GLG1: variants seen among roughly 807,000 people sequenced by gnomAD.
GLG1 encodes the protein golgi glycoprotein 1, also known as Golgi apparatus protein 1.
Under a neutral mutation model 160.5 loss-of-function variants are expected in GLG1, and 38 were observed. That is an observed-to-expected ratio of 0.24 (90% CI 0.18 to 0.31). The LOEUF is 0.31. Ranked by LOEUF, GLG1 falls within the 10% of genes least tolerant of loss-of-function variation. GLG1 has a pLI of 1.00. For synonymous variants in GLG1, 644 were observed against 543.4 expected, an observed-to-expected ratio of 1.19 and a Z score of -2.57; for missense variants, 1,373 against 1,505.2, an observed-to-expected ratio of 0.91 and a Z score of 1.45.
In GLG1 at chr16:74,466,477, TCGCA is replaced by T. The variant is rs563725892; in HGVS notation, c.2530-668_2530-665del. On this transcript the variant is annotated intron_variant, in intron 18 of 25. Transcript: ENST00000422840. ...TGGGAAGGTGCAGCAGCTGGGGCTA[TCGCA>T]GGAAGCCATGAGACTTCCGGGAAAT... 1.4e-4 allele frequency among the ~76,000 whole-genome samples: 22 copies of T among 152,320 alleles called. No homozygotes were observed. In the East Asian group the frequency reaches 4.2e-3, roughly 29 times the overall value.
intron 4 of GLG1, among the ~76,000 whole-genome samples, chr16:74,502,589 G>A (rs2016445482): frequency 6.6e-6 from 1 of 151,510 alleles, no homozygotes; most frequent in Admixed American, 6.6e-5. Context: ...TGTCTCCCAG[G>A]CTGGAGTGCA....
chr16:74,561,991 T>C (rs1310734703), intron 1 of GLG1, among the ~76,000 whole-genome samples: 2 of 152,256 alleles, frequency 1.3e-5, no homozygotes, highest in Non-Finnish European at 2.9e-5. Flanking sequence ...AGCTACCTGA[T>C]GGGTCATTGG....
At chr16:74,524,901 C>T (rs987630588) in intron 2 of GLG1, among the ~76,000 whole-genome samples, 2 of 152,186 alleles carry the variant, frequency 1.3e-5, no homozygotes, top group African/African-American at 2.4e-5. Context: ...AAACCACTAA[C>T]CTTCTTTCTG....
intron 3 of GLG1, among the ~76,000 whole-genome samples, chr16:74,506,607 C>CAAAAAAAA (rs1567489940): frequency 2.7e-4 from 34 of 126,550 alleles, no homozygotes; most frequent in Non-Finnish European, 3.5e-4. Flanking sequence ...AAAAAAAACT[C>CAAAAAAAA]AAGAGAAACC....
chr16:74,566,671 T>C (rs2018662374), intron 1 of GLG1, among the ~76,000 whole-genome samples: 1 of 152,230 alleles, frequency 6.6e-6, no homozygotes. Context: ...TTATATCCTT[T>C]AGTCATACTA....
At chr16:74,472,802 C>CA in intron 13 of GLG1, 1 of 354,638 alleles carries the variant, frequency 2.8e-6, no homozygotes. Flanking sequence ...TAAGCCAGAG[C>CA]ACTGCCCTCA....
intron 3 of GLG1, among the ~76,000 whole-genome samples, chr16:74,507,708 C>A (rs1369294498): frequency 6.6e-6 from 1 of 151,790 alleles, no homozygotes; most frequent in South Asian, 2.1e-4. Context: ...TGCACTCCAG[C>A]GTGGGCGACA....
rs1431993108 is a variant in GLG1 at position 74,452,109 on chromosome 16, T to C, written c.*1058A>G. On this transcript the variant is annotated 3_prime_UTR_variant, in exon 26 of 26. Coordinates refer to ENST00000422840, the MANE Select transcript of GLG1 (RefSeq NM_001145667.2). ...GACCACACTAAACCTTTATAAGCCA[T>C]TGTCTCTGACCTGTATTGTAGCCTG... The C allele has an allele frequency of 3.7e-6, 6 of 1,614,074 alleles. No homozygotes were observed. The South Asian group carries it at 5.5e-5, about 15-fold the overall frequency.
At chr16:74,602,648 T>C (rs1958466378) in intron 1 of GLG1, among the ~76,000 whole-genome samples, 1 of 152,032 alleles carries the variant, frequency 6.6e-6, no homozygotes, top group Non-Finnish European at 1.5e-5. Flanking sequence ...CCGGGTGTGG[T>C]GGCGGATGCC....
At chr16:74,478,472 C>A (rs1164312811) in intron 11 of GLG1, among the ~76,000 whole-genome samples, 1 of 152,078 alleles carries the variant, frequency 6.6e-6, no homozygotes, top group Non-Finnish European at 1.5e-5. Context: ...AAAAAAAAGC[C>A]AGCATACCTG....
chr16:74,605,346 A>T (rs1958541260), intron 1 of GLG1, among the ~76,000 whole-genome samples: 1 of 152,118 alleles, frequency 6.6e-6, no homozygotes, highest in Admixed American at 6.6e-5. Flanking sequence ...TTCCCTAATA[A>T]TGTGCTGTTT....
intron 24 of GLG1, 44 bp from the exon 25 acceptor site, chr16:74,456,799 G>A: frequency 1.7e-6 from 2 of 1,169,444 alleles, no homozygotes; most frequent in South Asian, 1.2e-5. Context: ...AAACTGTACA[G>A]AATAGAGAAA....
chr16:74,604,810 G>A (rs1334637849), intron 1 of GLG1, among the ~76,000 whole-genome samples: 6 of 152,168 alleles, frequency 3.9e-5, no homozygotes, highest in Non-Finnish European at 8.8e-5. Context: ...CAGCACTTTG[G>A]GAGCCCGAGG....
At chr16:74,555,450 G>T (rs2018325564) in intron 1 of GLG1, among the ~76,000 whole-genome samples, 1 of 152,162 alleles carries the variant, frequency 6.6e-6, no homozygotes, top group African/African-American at 2.4e-5. Flanking sequence ...ATTTTGGGAG[G>T]CTGAGGCAAG....
intron 12 of GLG1, among the ~76,000 whole-genome samples, chr16:74,474,833 A>G (rs1218655268): frequency 6.6e-6 from 1 of 152,140 alleles, no homozygotes; most frequent in Non-Finnish European, 1.5e-5. Flanking sequence ...TTCATGTAGC[A>G]GGTTGGTTAT....
rs368678359 is a variant in GLG1 at position 74,607,055 on chromosome 16, A to G, written c.40T>C (p.Ser14Pro). 4.5e-5 allele frequency: 72 copies of G among 1,587,006 alleles called. No individual in the cohort carries two copies. The highest frequency in any genetic ancestry group is 6.1e-5 in the Non-Finnish European group (71 of 1,169,756). ...CGRVRRMFRL[S>P]AALHLLLLFA... ...AGCAGCAGCAGATGCAGCGCCGCCG[A>G]CAAGCGGAACATCCTCCGTACACGT... The change falls in exon 1 of 26, where the codon TCG (serine) becomes CCG (proline). Residue 14 changes from serine (S) to proline (P), a missense_variant. Ser to Pro is a moderately conservative substitution (Grantham distance 74). Around this residue, in one of 4 missense-constraint regions of GLG1, gnomAD observed 322 missense variants for 254.6 expected, o/e 1.26. Transcript: ENST00000422840.
intron 1 of GLG1, among the ~76,000 whole-genome samples, chr16:74,595,939 C>A (rs1338364272): frequency 6.6e-6 from 1 of 152,076 alleles, no homozygotes; most frequent in Non-Finnish European, 1.5e-5. Flanking sequence ...GCCTGGCCAA[C>A]ATGGCGAAAC....
At chr16:74,530,892 T>C (rs1452199021) in intron 2 of GLG1, among the ~76,000 whole-genome samples, 1 of 152,240 alleles carries the variant, frequency 6.6e-6, no homozygotes, top group Non-Finnish European at 1.5e-5. Flanking sequence ...ATAAACTTTT[T>C]ACTGTTTATT....
chr16:74,497,776 T>C (rs1046556325), intron 4 of GLG1, among the ~76,000 whole-genome samples: 3 of 152,170 alleles, frequency 2.0e-5, no homozygotes, highest in Non-Finnish European at 2.9e-5. Flanking sequence ...ACAAACCACA[T>C]AATCCACTAA....
Sources: gnomAD v4.1 joint callset for allele counts (sites outside exome capture counted in the v4.1 genomes callset) on GRCh38, gnomAD v4.1.1 for gene constraint, gnomAD v4.1.1 regional missense constraint, MANE v1.5 for transcripts, NCBI Gene and HGNC (gene_info 2026-07-23, HGNC 2026-07-21) for gene names.